The following EDARADD variants were observed in gnomAD, a reference collection of about 807,000 sequenced individuals.
EDARADD encodes the protein ectodysplasin-A receptor-associated adapter protein.
Under a neutral mutation model 25.6 loss-of-function variants are expected in EDARADD, and 20 were observed. The observed-to-expected ratio is 0.78, with a 90% confidence interval of 0.55 to 1.14. The LOEUF is 1.14. Ranked by LOEUF, EDARADD falls within the 50% of genes most tolerant of loss-of-function variation. The pLI is 0.00. For synonymous variants in EDARADD, 86 were observed against 94.4 expected (o/e 0.91, Z 0.52); for missense variants, 225 against 270.1 (o/e 0.83, Z 1.17).
At chr1:236,434,899 A>G (rs780336820) in intron 4 of EDARADD, among the ~76,000 whole-genome samples, 68 of 152,336 alleles carry the variant, frequency 4.5e-4, no homozygotes, top group Admixed American at 1.4e-3. Context: ...TGGGAGATGG[A>G]TGCTATTGAC....
intron 4 of EDARADD, among the ~76,000 whole-genome samples, chr1:236,446,284 A>G (rs1658536600): frequency 6.6e-6 from 1 of 152,102 alleles, no homozygotes. Flanking sequence ...CAAACTTTAG[A>G]CGATAACATA....
At chr1:236,428,291 A>G (rs1657981575) in intron 4 of EDARADD, among the ~76,000 whole-genome samples, 1 of 152,252 alleles carries the variant, frequency 6.6e-6, no homozygotes, top group Non-Finnish European at 1.5e-5. Context: ...GGTTGGGGGC[A>G]AAGTTATAGA....
chr1:236,476,754 A>G (rs1159288576), intron 5 of EDARADD, among the ~76,000 whole-genome samples: 3 of 152,042 alleles, frequency 2.0e-5, no homozygotes, highest in Non-Finnish European at 4.4e-5. Flanking sequence ...TGAACTCCCA[A>G]CCTCAGGTGA....
chr1:236,380,428 G>T (rs1572116965), intron 3 of EDARADD, among the ~76,000 whole-genome samples: 1 of 152,038 alleles, frequency 6.6e-6, no homozygotes, highest in East Asian at 1.9e-4. Context: ...TTTTTTAGGT[G>T]ACTAAATGTT....
chr1:236,375,511 C>G lies in EDARADD; in HGVS notation c.-6+24672C>G, dbSNP rs186334368. Among the ~76,000 whole-genome samples the G allele has an allele frequency of 2.8e-3, 418 of 151,968 alleles. 2 individuals carry two copies. Among genetic ancestry groups the G allele is most frequent in the African/African-American group, 9.8e-3 (406 of 41,438 alleles). ...TCTCTACTAAAAATACAAATATTAG[C>G]CAGGTGTGGTGGCTCATGCCTGTAA... On this transcript the variant is annotated intron_variant, in intron 3 of 7. Coordinates refer to the EDARADD transcript ENST00000439430.
chr1:236,397,434 G>A (rs1391303932), intron 1 of EDARADD, among the ~76,000 whole-genome samples: 2 of 151,804 alleles, frequency 1.3e-5, no homozygotes, highest in Admixed American at 1.3e-4. Context: ...AAAGCTACAG[G>A]TTCCAGATTT....
chr1:236,401,761 G>C (rs905165427), intron 1 of EDARADD, among the ~76,000 whole-genome samples: 1 of 152,180 alleles, frequency 6.6e-6, no homozygotes, highest in Admixed American at 6.5e-5. Flanking sequence ...CCTCTAAAAA[G>C]ATATGTTGAA....
At chr1:236,366,437 T>A (rs1382909511) in intron 3 of EDARADD, among the ~76,000 whole-genome samples, 1 of 152,196 alleles carries the variant, frequency 6.6e-6, no homozygotes, top group Admixed American at 6.5e-5. Context: ...TTGTCCTCTG[T>A]GTACACTGGG....
At chr1:236,408,108 G>A (rs1362608152) in intron 1 of EDARADD, among the ~76,000 whole-genome samples, 1 of 152,182 alleles carries the variant, frequency 6.6e-6, no homozygotes, top group East Asian at 1.9e-4. Flanking sequence ...ATAGTTTGTG[G>A]TTGTTTGTAA....
Position 236,482,940 on chromosome 1 carries a change from T to C in EDARADD, c.*291T>C. 5.0e-6 allele frequency: 3 copies of C among 605,080 alleles called. No homozygotes were observed. Among genetic ancestry groups the C allele is most frequent in the East Asian group, 5.6e-5 (2 of 35,720 alleles). 37.5% of individuals were successfully genotyped at this position (605,080 alleles called of 1,614,324 possible). A position where few individuals can be genotyped will look rare whatever the true frequency, so the allele number is the denominator to read the frequency against. ...ACAATCGGAATGGATTCATGCCACG[T>C]TGAAGATAAAATTATCCTCTCTCTG... is the stretch of plus-strand genomic sequence containing the variant. On this transcript the variant is annotated 3_prime_UTR_variant, in exon 6 of 6. Coordinates refer to ENST00000334232, the MANE Select transcript of EDARADD (RefSeq NM_145861.4).
chr1:236,461,702 C>T (rs1240691859), intron 4 of EDARADD, among the ~76,000 whole-genome samples: 1 of 152,160 alleles, frequency 6.6e-6, no homozygotes, highest in East Asian at 1.9e-4. Flanking sequence ...ACCAGATGAA[C>T]AGTGACAACT....
intron 1 of EDARADD, among the ~76,000 whole-genome samples, chr1:236,403,659 A>G (rs1015273663): frequency 2.0e-5 from 3 of 152,116 alleles, no homozygotes; most frequent in African/African-American, 7.2e-5. Context: ...ACTACTACTC[A>G]CCACTCACGG....
chr1:236,363,004 A>ATAT (rs1309610398), intron 3 of EDARADD, among the ~76,000 whole-genome samples: 114 of 58,328 alleles, frequency 2.0e-3, no homozygotes, highest in Non-Finnish European at 2.2e-3. Flanking sequence ...AAAAAAAAAA[A>ATAT]AAATATATAT....
At chr1:236,391,214 G>A (rs758587190), upstream of EDARADD, among the ~76,000 whole-genome samples, 9 of 152,108 alleles carry the variant, frequency 5.9e-5, no homozygotes, top group Non-Finnish European at 1.3e-4. Flanking sequence ...GGCTGTAATT[G>A]AGTCATATTC....
Position 236,372,767 on chromosome 1 carries a change from C to T in EDARADD, c.-6+21928C>T, listed in dbSNP as rs1572113610. 2.6e-5 allele frequency among the ~76,000 whole-genome samples: 4 copies of T among 152,052 alleles called. No individual in the cohort carries two copies. In the South Asian group the frequency reaches 8.3e-4, roughly 32 times the overall value. ...GATAATAGGCTTATTCAAATTGTTT[C>T]TCCTTATGTGAATTTTGGTATAGTA... On this transcript the variant is annotated intron_variant, in intron 3 of 7. Coordinates refer to the EDARADD transcript ENST00000439430.
chr1:236,468,303 G>C (rs878931623), intron 5 of EDARADD, 27 bp downstream of exon 5: 1 of 1,610,148 alleles, frequency 6.2e-7, no homozygotes, highest in South Asian at 1.1e-5. Flanking sequence ...AAAGCTATCT[G>C]GGCTAATAGC....
intron 3 of EDARADD, among the ~76,000 whole-genome samples, chr1:236,352,441 G>A (rs912478661): frequency 7.2e-5 from 11 of 152,064 alleles, no homozygotes; most frequent in African/African-American, 2.4e-4. Flanking sequence ...TCAGTGGCTC[G>A]TGCCTATAAT....
chr1:236,359,326 T>C (rs563605461), intron 3 of EDARADD, among the ~76,000 whole-genome samples: 45 of 152,362 alleles, frequency 3.0e-4, no homozygotes, highest in African/African-American at 1.1e-3. Context: ...AGGGAGGTCA[T>C]GAGGGCTCTG....
At chr1:236,391,466 G>A (rs900905446), upstream of EDARADD, among the ~76,000 whole-genome samples, 5 of 152,248 alleles carry the variant, frequency 3.3e-5, no homozygotes, top group Middle Eastern at 3.4e-3. Context: ...GGTATATCAA[G>A]CAAATTCAAC....
Sources: allele counts gnomAD v4.1 joint callset (sites outside exome capture counted in the v4.1 genomes callset), GRCh38; gene constraint gnomAD v4.1.1; transcripts MANE v1.5; gene names NCBI Gene and HGNC (gene_info 2026-07-23, HGNC 2026-07-21).